FER: variants seen among roughly 807,000 people sequenced by gnomAD.
FER encodes tyrosine-protein kinase Fer.
A neutral mutation model predicts 111.0 loss-of-function variants in FER; 63 were observed. The ratio of observed to expected loss-of-function variants is 0.57; its 90% confidence interval spans 0.46 to 0.70. FER has a LOEUF of 0.70. FER is among the 30% of genes least tolerant of loss of function. The pLI is 0.00. For synonymous variants in FER, 327 were observed against 313.9 expected, an observed-to-expected ratio of 1.04 and a Z score of -0.44; for missense variants, 914 against 954.0, an observed-to-expected ratio of 0.96 and a Z score of 0.55.
intron 5 of FER, among the ~76,000 whole-genome samples, chr5:108,857,808 C>G (rs190412950): frequency 1.3e-5 from 2 of 152,116 alleles, no homozygotes; most frequent in Non-Finnish European, 2.9e-5. Context: ...TTTATACTAT[C>G]ATAATGATAT....
At chr5:108,986,149 A>T (rs553594823) in intron 13 of FER, among the ~76,000 whole-genome samples, 338 of 152,294 alleles carry the variant, frequency 2.2e-3, no homozygotes, top group African/African-American at 7.6e-3. Context: ...GTAAGGTGGT[A>T]TCACATTGTG....
intron 16 of FER, among the ~76,000 whole-genome samples, chr5:109,054,712 T>C (rs1321600585): frequency 6.6e-6 from 1 of 152,206 alleles, no homozygotes; most frequent in Admixed American, 6.5e-5. Context: ...CTTTTAGAAG[T>C]TTAAAATTTA....
At chr5:108,842,967 A>G (rs1242325277) in intron 5 of FER, 3 of 152,266 alleles carry the variant, frequency 2.0e-5, no homozygotes, top group Non-Finnish European at 2.9e-5. Flanking sequence ...TAGCAGCACA[A>G]TTCACAATTG....
intron 10 of FER, among the ~76,000 whole-genome samples, chr5:108,905,107 T>C (rs987083937): frequency 2.6e-5 from 4 of 152,154 alleles, no homozygotes; most frequent in Non-Finnish European, 5.9e-5. Flanking sequence ...TTGGCTCATA[T>C]AAATGAAGTC....
intron 10 of FER, among the ~76,000 whole-genome samples, chr5:108,898,508 C>G (rs891936350): frequency 2.0e-5 from 3 of 149,140 alleles, no homozygotes; most frequent in Admixed American, 6.7e-5. Flanking sequence ...CTTTCTCTCT[C>G]CTTTCTCCTT....
At chr5:108,875,639 A>G in intron 8 of FER, among the ~76,000 whole-genome samples, 1 of 152,154 alleles carries the variant, frequency 6.6e-6, no homozygotes, top group East Asian at 1.9e-4. Flanking sequence ...GCTTTTTGTC[A>G]TTATGGACAG....
intron 10 of FER, among the ~76,000 whole-genome samples, chr5:108,907,392 T>G (rs1040460615): frequency 6.6e-6 from 1 of 152,042 alleles, no homozygotes; most frequent in African/African-American, 2.4e-5. Flanking sequence ...CCTCCTGGGT[T>G]CAAGCAATTC....
intron 10 of FER, among the ~76,000 whole-genome samples, chr5:108,912,989 G>A (rs1047230084): frequency 4.6e-5 from 7 of 152,096 alleles, no homozygotes; most frequent in Admixed American, 3.9e-4. Flanking sequence ...GAGGCCTTGG[G>A]TATAAGAATC....
intron 17 of FER, among the ~76,000 whole-genome samples, chr5:109,166,844 T>A (rs559722254): frequency 2.0e-5 from 3 of 152,144 alleles, no homozygotes; most frequent in Non-Finnish European, 4.4e-5. Context: ...CTTCTTTACA[T>A]GGTATCAGGA....
intron 3 of FER, among the ~76,000 whole-genome samples, chr5:108,798,803 G>A (rs1366109903): frequency 6.6e-6 from 1 of 152,118 alleles, no homozygotes. Context: ...AGCCGTGGGT[G>A]ACAGAGTGAG....
chr5:108,894,491 G>A (rs1158563697), intron 9 of FER: 3 of 401,718 alleles, frequency 7.5e-6, no homozygotes, highest in Admixed American at 2.8e-5. Context: ...ATTTCTCAGA[G>A]TCTATGACAC....
intron 13 of FER, among the ~76,000 whole-genome samples, chr5:109,011,933 G>T (rs1003208625): frequency 1.3e-5 from 2 of 152,156 alleles, no homozygotes; most frequent in Non-Finnish European, 2.9e-5. Context: ...GAACACTCAT[G>T]CGTCAGTTAC....
Position 109,048,756 on chromosome 5 carries a change from T to C in FER, c.1924+1558T>C, listed in dbSNP as rs534804586. Among the ~76,000 whole-genome samples, 5 of 152,244 alleles carry C rather than the reference T, an allele frequency of 3.3e-5. No individual in the cohort carries two copies. In the East Asian group the frequency reaches 7.7e-4, roughly 23 times the overall value. ...CTAATTGCTGCTTGCAGTTTTTAAA[T>C]TTTTTTCCAGAAAAATGTTTAATGC... On this transcript the variant is annotated intron_variant, in intron 16 of 19. Coordinates refer to ENST00000281092, the MANE Select transcript of FER (RefSeq NM_005246.4).
chr5:108,997,396 G>A (rs988822664), intron 13 of FER, among the ~76,000 whole-genome samples: 3 of 146,496 alleles, frequency 2.0e-5, no homozygotes, highest in African/African-American at 7.7e-5. Flanking sequence ...CAGCCTGGGT[G>A]GTGGAGCGAG....
At chr5:108,793,576 T>C (rs1235662857) in intron 2 of FER, among the ~76,000 whole-genome samples, 1 of 151,180 alleles carries the variant, frequency 6.6e-6, no homozygotes, top group Middle Eastern at 3.2e-3. Context: ...GTAGCTCAGT[T>C]TTTAGTTTTT....
Position 108,975,358 on chromosome 5 carries a change from G to A in FER, c.1656+16011G>A, listed in dbSNP as rs142834191. ...GGTGCAGCGAACCACCATGACACAT[G>A]TATACCTATGTAACAAACATGCATG... On this transcript the variant is annotated intron_variant, in intron 13 of 19. Coordinates refer to ENST00000281092, the MANE Select transcript of FER (RefSeq NM_005246.4). Among the ~76,000 whole-genome samples the A allele has an allele frequency of 5.6e-3, 854 of 152,192 alleles. 10 individuals carry two copies. Among genetic ancestry groups the A allele is most frequent in the African/African-American group, 0.019 (787 of 41,538 alleles).
chr5:109,017,948 C>CT (rs1235222477), intron 13 of FER, among the ~76,000 whole-genome samples: 1 of 151,814 alleles, frequency 6.6e-6, no homozygotes, highest in Non-Finnish European at 1.5e-5. Context: ...GTAACAAACC[C>CT]TTTGTTTTCA....
chr5:109,058,213 A>G (rs1773889158), intron 16 of FER, among the ~76,000 whole-genome samples: 1 of 152,176 alleles, frequency 6.6e-6, no homozygotes, highest in African/African-American at 2.4e-5. Flanking sequence ...CATTATGATA[A>G]AGGGCTTCTA....
At chr5:108,814,189 A>G (rs887516207) in intron 3 of FER, among the ~76,000 whole-genome samples, 2 of 152,004 alleles carry the variant, frequency 1.3e-5, no homozygotes, top group African/African-American at 4.8e-5. Flanking sequence ...GTGACTTTTT[A>G]TCTAGAATAC....
Sources: gnomAD v4.1 joint callset for allele counts (sites outside exome capture counted in the v4.1 genomes callset) on GRCh38, gnomAD v4.1.1 for gene constraint, MANE v1.5 for transcripts, NCBI Gene and HGNC (gene_info 2026-07-23, HGNC 2026-07-21) for gene names.